NOD1: variants seen among roughly 807,000 people sequenced by gnomAD.
NOD1 encodes the protein nucleotide binding oligomerization domain containing 1, also known as nucleotide-binding oligomerization domain-containing protein 1.
A neutral mutation model predicts 81.2 loss-of-function variants in NOD1; 70 were observed. The ratio of observed to expected loss-of-function variants is 0.86; its 90% confidence interval spans 0.71 to 1.05. The LOEUF (loss-of-function observed/expected upper bound fraction) is 1.05. Ranked by LOEUF, NOD1 falls within the 50% of genes least tolerant of loss-of-function variation. NOD1 has a pLI of 0.00. For synonymous variants in NOD1, 508 were observed against 526.9 expected (o/e 0.96, Z 0.49); for missense variants, 1,233 against 1,228.0 (o/e 1.00, Z -0.06).
At chr7:30,466,325 G>C (rs953568154) in intron 1 of NOD1, among the ~76,000 whole-genome samples, 2 of 152,070 alleles carry the variant, frequency 1.3e-5, no homozygotes, top group African/African-American at 4.8e-5. Context: ...CTTTGGGTAG[G>C]AGGCTTTTAG....
At position 30,435,901 on chromosome 7, in the gene NOD1, T is replaced by C. The variant is rs992436677; in HGVS notation, c.2621+97A>G. ...TGAGCCTGGGAGGTGGAGGCTGCAGTGAGCTGAGATCACACCAATGCACTC... is the reference window on the plus strand; with the variant it reads ...TGAGCCTGGGAGGTGGAGGCTGCAGCGAGCTGAGATCACACCAATGCACTC... On this transcript the variant is annotated intron_variant, in intron 11 of 13. Transcript: ENST00000222823. 6.1e-6 allele frequency: 6 copies of C among 990,692 alleles called. No homozygotes were observed. The South Asian group carries it at 8.6e-5, about 14-fold the overall frequency. 61.4% of individuals were successfully genotyped at this position (990,692 alleles called of 1,614,324 possible). A position where few individuals can be genotyped will look rare whatever the true frequency, so the allele number is the denominator to read the frequency against.
At chr7:30,456,650 T>A in intron 4 of NOD1, 71 bp downstream of exon 4, 1 of 1,367,270 alleles carries the variant, frequency 7.3e-7, no homozygotes, top group Non-Finnish European at 1.0e-6. Flanking sequence ...TTCACTCAGA[T>A]CAGCAGGGAG....
intron 11 of NOD1, among the ~76,000 whole-genome samples, chr7:30,435,575 C>G (rs111649141): frequency 6.6e-6 from 1 of 152,126 alleles, no homozygotes; most frequent in Non-Finnish European, 1.5e-5. Context: ...ACTGAAAGGC[C>G]TAGAGCCTTT....
At chr7:30,472,336 C>G (rs1336671268) in intron 1 of NOD1, among the ~76,000 whole-genome samples, 1 of 152,216 alleles carries the variant, frequency 6.6e-6, no homozygotes, top group Non-Finnish European at 1.5e-5. Flanking sequence ...TTTGAACCCA[C>G]TGTTCTCTGC....
chr7:30,445,278 T>TAAAAAAAAAA (rs55875433), intron 9 of NOD1, among the ~76,000 whole-genome samples: 18 of 69,178 alleles, frequency 2.6e-4, no homozygotes, highest in East Asian at 9.1e-4. Context: ...AAAAAGAATC[T>TAAAAAAAAAA]AAAAAAAAAA....
chr7:30,446,181 C>A lies in NOD1; in HGVS notation c.2413G>T (p.Ala805Ser). Residue 805 changes from alanine (A) to serine (S), a missense_variant, in exon 9 of 14, where the codon GCC (alanine) becomes TCC (serine). Transcript: ENST00000222823. The stretch of plus-strand genomic sequence containing the variant: ...GATTTGCTGTTCTTCACAGCCAGGG[C>A]GAGATACTTCCCTCCTTCACTTGTT... ...KITSEGGKYL[A>S]LAVKNSKSIS... 1.2e-6 allele frequency: 2 copies of A among 1,614,116 alleles called. No individual in the cohort carries two copies. The highest frequency in any genetic ancestry group is 1.1e-5 in the South Asian group (1 of 91,078).
rs756109491 is a variant in NOD1, at chr7:30,456,843, G to A, written c.79C>T (p.Arg27Trp). Residue 27 changes from arginine (R) to tryptophan (W), a missense_variant, in exon 4 of 14, where the codon CGG becomes TGG. Physicochemically the swap from Arg to Trp is moderately radical, Grantham distance 101 (BLOSUM62 -3). Transcript: ENST00000222823. ...HPHIQLLKSN[R>W]ELLVTHIRNT... ...CGGATGTGAGTGACCAGAAGTTCCC[G>A]ATTGCTTTTCAGTAATTGAATGTGG... 16 of 1,614,108 alleles carry A rather than the reference G, an allele frequency of 9.9e-6. No individual in the cohort carries two copies. The highest frequency in any genetic ancestry group is 1.4e-5 in the Non-Finnish European group (16 of 1,179,946).
At chr7:30,447,308 A>G (rs1291192609) in intron 7 of NOD1, 6 of 518,228 alleles carry the variant, frequency 1.2e-5, no homozygotes, top group Non-Finnish European at 1.8e-5. Context: ...TACAGAGGTA[A>G]TGATGATAGT....
chr7:30,446,931 G>A (rs765149903), intron 8 of NOD1, 36 bp downstream of exon 8: 2 of 1,530,586 alleles, frequency 1.3e-6, no homozygotes, highest in East Asian at 2.2e-5. Context: ...GTGATCAAGA[G>A]AATATACTAA....
intron 8 of NOD1, 95 bp downstream of exon 8, chr7:30,446,872 G>A: frequency 9.9e-7 from 1 of 1,005,760 alleles, no homozygotes; most frequent in Admixed American, 2.3e-5. Context: ...GAAGGCTTTA[G>A]GATGAAAGCT....
At chr7:30,436,132 A>C (rs774936519) in intron 10 of NOD1, 51 bp from the exon 11 acceptor site, 2 of 1,412,216 alleles carry the variant, frequency 1.4e-6, no homozygotes, top group Non-Finnish European at 2.0e-6. Context: ...TCTACATTCA[A>C]TCTTAGCTTC....
At chr7:30,456,130 GTCTCT>G (rs1433333561) in intron 4 of NOD1, among the ~76,000 whole-genome samples, 5 of 152,362 alleles carry the variant, frequency 3.3e-5, no homozygotes, top group South Asian at 4.1e-4. Context: ...AACCGTCCTG[GTCTCT>G]TCTGAGTCCC....
intron 1 of NOD1, among the ~76,000 whole-genome samples, chr7:30,464,404 G>C (rs1292733088): frequency 1.3e-5 from 2 of 152,228 alleles, no homozygotes; most frequent in African/African-American, 4.8e-5. Context: ...TCCTTCTACA[G>C]AGATCCACTG....
In NOD1 at chr7:30,455,324, C is replaced by T. The variant is rs766429760; in HGVS notation, c.202-13G>A. On this transcript the variant is annotated splice_polypyrimidine_tract_variant and intron_variant, in intron 4 of 13. Transcript: ENST00000222823. ...GAATTTTGCGGACCTGGAGGTGACACAAGCATGAGGGCACGGGCTGGCATG... is the reference window on the plus strand; with the variant it reads ...GAATTTTGCGGACCTGGAGGTGACATAAGCATGAGGGCACGGGCTGGCATG... 1.8e-5 allele frequency: 29 copies of T among 1,607,606 alleles called. No homozygotes were observed. Among genetic ancestry groups the T allele is most frequent in the Non-Finnish European group, 2.2e-5 (26 of 1,175,098 alleles).
rs1783752512 is a variant in NOD1, at chr7:30,429,431, T to G, written c.2732A>C (p.Lys911Thr). 1 of 1,614,076 alleles carries G rather than the reference T, an allele frequency of 6.2e-7. No homozygotes were observed. Among genetic ancestry groups the G allele is most frequent in the Non-Finnish European group, 8.5e-7 (1 of 1,179,914 alleles). Residue 911 changes from lysine to threonine, a missense_variant, in exon 13 of 14, where the codon AAG (lysine) becomes ACG (threonine). Physicochemically the swap from Lys to Thr is moderately conservative, Grantham distance 78 (BLOSUM62 -1). Transcript: ENST00000222823. ...CGCATCTGCCAGCTGGGCAGTCCCCTTAGCTGTGATCTGATTCTGGATAAG... is the reference window on the plus strand; with the variant it reads ...CGCATCTGCCAGCTGGGCAGTCCCCGTAGCTGTGATCTGATTCTGGATAAG... ...LWLIQNQITA[K>T]GTAQLADALQ...
chr7:30,433,276 G>A, intron 11 of NOD1, 97 bp from the exon 12 acceptor site: 2 of 887,118 alleles, frequency 2.3e-6, no homozygotes, highest in Non-Finnish European at 3.6e-6. Flanking sequence ...AGGCTCTCCA[G>A]CTATGCAGAT....
intron 1 of NOD1, chr7:30,469,036 C>T (rs1787991318): frequency 4.1e-6 from 4 of 985,452 alleles, no homozygotes; most frequent in South Asian, 4.7e-5. Flanking sequence ...CAGAGCTGCA[C>T]GGAGAACACA....
chr7:30,453,199 G>A (rs943297490), intron 5 of NOD1, among the ~76,000 whole-genome samples, 159 bp from the exon 6 acceptor site: 4 of 152,108 alleles, frequency 2.6e-5, no homozygotes, highest in Non-Finnish European at 5.9e-5. Context: ...CAGGACCTGG[G>A]GAGCGTCACA....
intron 10 of NOD1, among the ~76,000 whole-genome samples, chr7:30,436,578 C>T (rs1368727541): frequency 6.6e-6 from 1 of 152,248 alleles, no homozygotes; most frequent in Non-Finnish European, 1.5e-5. Flanking sequence ...GGTGCATCCC[C>T]ATTTATAGAG....
Sources: gnomAD v4.1 joint callset for allele counts (sites outside exome capture counted in the v4.1 genomes callset) on GRCh38, gnomAD v4.1.1 for gene constraint, MANE v1.5 for transcripts, NCBI Gene and HGNC (gene_info 2026-07-23, HGNC 2026-07-21) for gene names.